The following CEP128 variants were observed in gnomAD, a reference collection of about 807,000 sequenced individuals.
CEP128 encodes centrosomal protein 128.
Under a neutral mutation model 156.7 loss-of-function variants are expected in CEP128, and 132 were observed. The observed-to-expected ratio is 0.84, with a 90% CI of 0.73 to 0.97. The LOEUF is 0.97. Ranked by LOEUF, CEP128 falls within the 50% of genes least tolerant of loss-of-function variation. The pLI is 0.00. For missense variants in CEP128, 1,252 were observed against 1,281.9 expected (o/e 0.98, Z 0.36); for synonymous variants, 469 against 448.9 (o/e 1.04, Z -0.57).
intron 19 of CEP128, among the ~76,000 whole-genome samples, chr14:80,689,269 T>C (rs978197222): frequency 3.2e-5 from 4 of 126,304 alleles, no homozygotes; most frequent in African/African-American, 1.3e-4. Context: ...GCAGCCTGCA[T>C]GACACAGCGA....
chr14:80,723,272 T>C (rs1396433068), intron 19 of CEP128, among the ~76,000 whole-genome samples: 1 of 152,204 alleles, frequency 6.6e-6, no homozygotes, highest in East Asian at 1.9e-4. Flanking sequence ...AGGTAATCAC[T>C]ATTTGATAAC....
At chr14:80,749,027 G>A (rs1899249598) in intron 18 of CEP128, among the ~76,000 whole-genome samples, 1 of 152,160 alleles carries the variant, frequency 6.6e-6, no homozygotes, top group Admixed American at 6.5e-5. Flanking sequence ...AGCCCTGGGA[G>A]AGACTCAGTA....
At chr14:80,561,939 T>A (rs951451963) in intron 20 of CEP128, among the ~76,000 whole-genome samples, 2 of 150,554 alleles carry the variant, frequency 1.3e-5, no homozygotes, top group Admixed American at 1.3e-4. Flanking sequence ...TTTGTTTTTG[T>A]TTTTTTGGGA....
At chr14:80,648,815 G>C (rs1352918688) in intron 19 of CEP128, among the ~76,000 whole-genome samples, 2 of 151,988 alleles carry the variant, frequency 1.3e-5, no homozygotes, top group African/African-American at 4.8e-5. Flanking sequence ...ACACTATACT[G>C]CTTGCCTCTG....
chr14:80,914,162 T>C (rs1884411125), intron 4 of CEP128, among the ~76,000 whole-genome samples, 160 bp downstream of exon 4: 1 of 152,240 alleles, frequency 6.6e-6, no homozygotes, highest in African/African-American at 2.4e-5. Context: ...GCAATCCATC[T>C]GACAAGCTAA....
rs541056347 is a variant in CEP128 at position 80,592,128 on chromosome 14, T to C, written c.2807-11705A>G. On this transcript the variant is annotated intron_variant, in intron 19 of 24. Coordinates refer to ENST00000555265, the MANE Select transcript of CEP128 (RefSeq NM_152446.5). ...AGCTGGAGCAAACAAATTCAAAAGC[T>C]AGCAGAAGACAAGAAATAACTAAGA... 5.3e-5 allele frequency among the ~76,000 whole-genome samples: 8 copies of C among 152,120 alleles called. No homozygotes were observed. The South Asian group carries it at 8.3e-4, about 16-fold the overall frequency.
At chr14:80,612,474 T>C (rs1893031836) in intron 19 of CEP128, among the ~76,000 whole-genome samples, 1 of 152,224 alleles carries the variant, frequency 6.6e-6, no homozygotes, top group Non-Finnish European at 1.5e-5. Flanking sequence ...GATCAGAACA[T>C]TATAATTCTT....
At position 80,916,641 on chromosome 14, in the gene CEP128, T is replaced by C. The variant is rs139829284; in HGVS notation, c.-15-79A>G. Reference sequence around the variant, plus strand: ...AAAGACTAATACAACAGTTTACTTTTGATCTCTTTTCTATGTTTAATACAT... The same window carrying C: ...AAAGACTAATACAACAGTTTACTTTCGATCTCTTTTCTATGTTTAATACAT... On this transcript the variant is annotated intron_variant, in intron 2 of 24. Transcript: ENST00000555265. The C allele has an allele frequency of 9.1e-4, 1,051 of 1,150,524 alleles. 7 individuals are homozygous for C. The African/African-American group carries it at 0.015, about 16-fold the overall frequency. 71.3% of individuals were successfully genotyped at this position (1,150,524 alleles called of 1,614,324 possible).
Position 80,897,525 on chromosome 14 carries a change from TA to T in CEP128, c.573-1736del, listed in dbSNP as rs1332801126. ...TAAACATATCCAAGGCCAAACTCTC[TA>T]CACCTCACCTACCCAAACCAGTCTT... On this transcript the variant is annotated intron_variant, in intron 7 of 24. Transcript: ENST00000555265. 2.0e-5 allele frequency among the ~76,000 whole-genome samples: 3 copies of T among 152,194 alleles called. No individual in the cohort carries two copies. The East Asian group carries it at 5.8e-4, about 29-fold the overall frequency.
intron 23 of CEP128, among the ~76,000 whole-genome samples, chr14:80,507,190 A>G (rs564131732): frequency 5.3e-5 from 8 of 152,108 alleles, no homozygotes; most frequent in African/African-American, 1.7e-4. Context: ...TAAATTACCC[A>G]GGCTCAGGTA....
intron 19 of CEP128, among the ~76,000 whole-genome samples, chr14:80,702,832 T>C (rs982164246): frequency 3.9e-5 from 6 of 152,138 alleles, no homozygotes; most frequent in African/African-American, 1.4e-4. Flanking sequence ...TATTAAGAGC[T>C]ACTTCATTAT....
chr14:80,641,924 C>T (rs528717688), intron 19 of CEP128, among the ~76,000 whole-genome samples: 17 of 151,720 alleles, frequency 1.1e-4, no homozygotes, highest in Non-Finnish European at 2.2e-4. Flanking sequence ...CCCATCTCTA[C>T]TAAAAAATAT....
chr14:80,641,098 C>G (rs777005439), intron 19 of CEP128, among the ~76,000 whole-genome samples: 1 of 152,160 alleles, frequency 6.6e-6, no homozygotes, highest in Non-Finnish European at 1.5e-5. Flanking sequence ...TTTGTAGACC[C>G]TCTCCGAGGA....
intron 19 of CEP128, among the ~76,000 whole-genome samples, chr14:80,708,346 T>C (rs1333523201): frequency 6.6e-6 from 1 of 152,220 alleles, no homozygotes; most frequent in Admixed American, 6.5e-5. Context: ...TGAAAGGGTC[T>C]ATTTCCTCAC....
chr14:80,938,404 G>A (rs1054160954), intron 2 of CEP128, among the ~76,000 whole-genome samples: 3 of 151,832 alleles, frequency 2.0e-5, no homozygotes, highest in East Asian at 1.9e-4. Flanking sequence ...CTGCCACCAC[G>A]CCTGGTAATT....
rs1290339377 is a variant in CEP128, at chr14:80,497,233, C to T, written c.*246G>A. The T allele has an allele frequency of 4.4e-5, 13 of 298,714 alleles. No homozygotes were observed. In the East Asian group the frequency reaches 4.5e-4, roughly 10 times the overall value. The allele number at this position is 298,714 out of a possible 1,614,324, so 18.5% of individuals were successfully genotyped here. ...AGGAAAATACAAAGTGAAAAAATATCATTCTTTCTGTGCTAGTATAAGTTG... is the reference window on the plus strand; with the variant it reads ...AGGAAAATACAAAGTGAAAAAATATTATTCTTTCTGTGCTAGTATAAGTTG... On this transcript the variant is annotated 3_prime_UTR_variant, in exon 25 of 25. Transcript: ENST00000555265.
At chr14:80,556,285 G>A (rs963539106) in intron 21 of CEP128, among the ~76,000 whole-genome samples, 4 of 152,066 alleles carry the variant, frequency 2.6e-5, no homozygotes, top group African/African-American at 7.2e-5. Flanking sequence ...AGAATACATT[G>A]CCGTGCTTCT....
chr14:80,738,012 A>G (rs1230651879), intron 19 of CEP128, among the ~76,000 whole-genome samples: 5 of 152,246 alleles, frequency 3.3e-5, no homozygotes, highest in Admixed American at 2.0e-4. Context: ...TTACACTCCA[A>G]TATGGAATAG....
chr14:80,900,012 C>CT lies in CEP128; in HGVS notation c.497dup (p.Ser167ValfsTer8), dbSNP rs1883445882. 6.2e-7 allele frequency: 1 copy of CT among 1,611,614 alleles called. No individual in the cohort carries two copies. The highest frequency in any genetic ancestry group is 1.1e-5 in the South Asian group (1 of 90,708). ...GTTCACTGCTGAGGTCTCGAAGAGA[C>CT]TGATGAAAACCATGAAGCTAGCAAA... On this transcript the variant is annotated frameshift_variant, in exon 7 of 25. Transcript: ENST00000555265. LOFTEE classifies it high-confidence loss of function.
Sources: gnomAD v4.1 joint callset for allele counts (sites outside exome capture counted in the v4.1 genomes callset) on GRCh38, gnomAD v4.1.1 for gene constraint, MANE v1.5 for transcripts, NCBI Gene and HGNC (gene_info 2026-07-23, HGNC 2026-07-21) for gene names.